Variants in RPGRIP1 observed in about 807,000 individuals in gnomAD.
The protein encoded by RPGRIP1 is X-linked retinitis pigmentosa GTPase regulator-interacting protein 1.
RPGRIP1 carries 128 observed loss-of-function variants against 157.9 expected under a neutral mutation model. The ratio of observed to expected loss-of-function variants is 0.81; its 90% confidence interval spans 0.70 to 0.94. The LOEUF is 0.94. Among genes scored for constraint, RPGRIP1 ranks in the 40% least tolerant of loss-of-function variants. The probability of loss-of-function intolerance (pLI) is 0.00; values close to 1 mark genes in which losing one functional copy is unlikely to be tolerated. For synonymous variants in RPGRIP1, 554 were observed against 571.6 expected (o/e 0.97, Z 0.44); for missense variants, 1,486 against 1,545.8 (o/e 0.96, Z 0.65).
chr14:21,298,372 C>A (rs1023851477), intron 3 of RPGRIP1, among the ~76,000 whole-genome samples: 11 of 149,372 alleles, frequency 7.4e-5, no homozygotes, highest in Non-Finnish European at 8.9e-5. Flanking sequence ...TGGTGGCAGG[C>A]GCCTATAATC....
In RPGRIP1 at chr14:21,294,731, AG is replaced by A. The variant is rs1880689588; in HGVS notation, c.142del (p.Asp48ThrfsTer13). The stretch of plus-strand genomic sequence containing the variant: ...AGCAGGATGAACCGGGAGGAATTGG[AG>A]GACAGTTTCTTTCGACTTCGCGAAG... The part of the protein sequence containing the change: ...PLSRMNREEL[E>X]DSFFRLREDH... On this transcript the variant is annotated frameshift_variant, in exon 3 of 25. Transcript: ENST00000400017. LOFTEE classifies it high-confidence loss of function. The A allele has an allele frequency of 6.2e-7, 1 of 1,609,204 alleles. No individual in the cohort carries two copies. Among genetic ancestry groups the A allele is most frequent in the African/African-American group, 1.3e-5 (1 of 74,602 alleles).
intron 10 of RPGRIP1, among the ~76,000 whole-genome samples, chr14:21,312,743 C>T (rs1340941369): frequency 6.6e-6 from 1 of 150,844 alleles, no homozygotes; most frequent in Admixed American, 6.6e-5. Flanking sequence ...GGCTGGAGTG[C>T]AGTGGTGCGA....
At chr14:21,300,183 T>C (rs1319799476) in intron 3 of RPGRIP1, among the ~76,000 whole-genome samples, 4 of 151,914 alleles carry the variant, frequency 2.6e-5, no homozygotes, top group African/African-American at 4.8e-5. Flanking sequence ...CGCATGCCTG[T>C]AATCCCAGCT....
intron 6 of RPGRIP1, among the ~76,000 whole-genome samples, chr14:21,306,071 CA>C (rs1398769520): frequency 7.5e-6 from 1 of 132,788 alleles, no homozygotes; most frequent in East Asian, 2.3e-4. Flanking sequence ...ATCTTTCAAA[CA>C]ATAAAGAAAA....
chr14:21,349,505 C>A (rs561757911), intron 24 of RPGRIP1, among the ~76,000 whole-genome samples: 2 of 150,276 alleles, frequency 1.3e-5, no homozygotes, highest in South Asian at 4.2e-4. Context: ...CTTAATCAAG[C>A]GATTTTCCTG....
At chr14:21,280,241 C>CTTTTTT (rs35642254) in intron 1 of RPGRIP1, among the ~76,000 whole-genome samples, 82 bp downstream of exon 1, 1 of 109,374 alleles carries the variant, frequency 9.1e-6, no homozygotes, top group Admixed American at 1.1e-4. Context: ...TAAGTTTATT[C>CTTTTTT]TTTTTTTTTT....
At chr14:21,302,426 C>T in intron 4 of RPGRIP1, 62 bp from the exon 5 acceptor site, 4 of 853,320 alleles carry the variant, frequency 4.7e-6, no homozygotes, top group Non-Finnish European at 3.4e-6. Context: ...GTTCCAGTTT[C>T]AGTACTTGGT....
chr14:21,335,800 A>C (rs544938481), intron 21 of RPGRIP1, among the ~76,000 whole-genome samples: 5,646 of 150,672 alleles, frequency 0.037, 394 homozygotes, highest in African/African-American at 0.13. Flanking sequence ...GAGCGAGACT[A>C]CGTCTCAAAA....
chr14:21,285,428 ACC>A (rs780706195), intron 1 of RPGRIP1, among the ~76,000 whole-genome samples: 1 of 151,722 alleles, frequency 6.6e-6, no homozygotes, highest in Non-Finnish European at 1.5e-5. Context: ...ACATGGTGAG[ACC>A]CCGTCTCTAC....
chr14:21,289,200 C>T lies in RPGRIP1; in HGVS notation c.85+1139C>T, dbSNP rs868734655. Among the ~76,000 whole-genome samples the T allele has an allele frequency of 7.8e-4, 119 of 151,910 alleles. 3 individuals carry two copies. The South Asian group carries it at 0.023, about 29-fold the overall frequency. The stretch of plus-strand genomic sequence containing the variant: ...AAAATTAGCTGGGCGTTGTGGCGGG[C>T]GCCTGTAGTCCCAGCTACTCAGGAG... On this transcript the variant is annotated intron_variant, in intron 2 of 24. Coordinates refer to ENST00000400017, the MANE Select transcript of RPGRIP1 (RefSeq NM_020366.4).
chr14:21,300,927 G>T, intron 3 of RPGRIP1, 39 bp from the exon 4 acceptor site: 1 of 1,600,802 alleles, frequency 6.2e-7, no homozygotes, highest in Non-Finnish European at 8.5e-7. Context: ...AATAATAACT[G>T]TCATGAAAGG....
At chr14:21,309,027 G>A (rs1555365893) in intron 7 of RPGRIP1, among the ~76,000 whole-genome samples, 1 of 152,170 alleles carries the variant, frequency 6.6e-6, no homozygotes, top group Non-Finnish European at 1.5e-5. Flanking sequence ...TGTTTGGGTG[G>A]ACCCAGTTTC....
At chr14:21,347,786 T>G (rs1414572439) in intron 23 of RPGRIP1, among the ~76,000 whole-genome samples, 1 of 152,174 alleles carries the variant, frequency 6.6e-6, no homozygotes, top group Non-Finnish European at 1.5e-5. Context: ...TGAAGTGCAG[T>G]GGCATGAACA....
intron 21 of RPGRIP1, among the ~76,000 whole-genome samples, chr14:21,340,653 T>G (rs552825849): frequency 2.6e-5 from 4 of 152,280 alleles, no homozygotes; most frequent in East Asian, 3.9e-4. Flanking sequence ...AGACTCCATC[T>G]CTAAATAAAT....
chr14:21,298,499 C>CAAAACG (rs954601952), intron 3 of RPGRIP1, among the ~76,000 whole-genome samples: 4 of 152,012 alleles, frequency 2.6e-5, no homozygotes, highest in African/African-American at 9.7e-5. Context: ...GATTCGGTCT[C>CAAAACG]AAAACGAAAA....
chr14:21,336,684 T>C (rs1244374500), intron 21 of RPGRIP1, among the ~76,000 whole-genome samples: 1 of 152,228 alleles, frequency 6.6e-6, no homozygotes, highest in African/African-American at 2.4e-5. Context: ...AACACTTCTA[T>C]ATTACCAAGG....
chr14:21,291,379 C>G (rs1880521629), intron 2 of RPGRIP1, among the ~76,000 whole-genome samples: 1 of 151,992 alleles, frequency 6.6e-6, no homozygotes, highest in African/African-American at 2.4e-5. Flanking sequence ...ACCTGGAGTT[C>G]CAGTCAGTTT....
At chr14:21,317,067 C>T (rs1438796220) in intron 10 of RPGRIP1, among the ~76,000 whole-genome samples, 2 of 151,854 alleles carry the variant, frequency 1.3e-5, no homozygotes, top group Non-Finnish European at 1.5e-5. Context: ...TTGCAGTGAG[C>T]CAAGATTGCA....
At chr14:21,345,706 A>G (rs1885496832) in intron 23 of RPGRIP1, among the ~76,000 whole-genome samples, 2 of 152,036 alleles carry the variant, frequency 1.3e-5, no homozygotes, top group Non-Finnish European at 2.9e-5. Context: ...TGTCCAGCCC[A>G]TAGTCTTATA....
Sources: gnomAD v4.1 joint callset for allele counts (sites outside exome capture counted in the v4.1 genomes callset) on GRCh38, gnomAD v4.1.1 for gene constraint, MANE v1.5 for transcripts, NCBI Gene and HGNC (gene_info 2026-07-23, HGNC 2026-07-21) for gene names.